ITGA10: variants seen among roughly 807,000 people sequenced by gnomAD.
The protein encoded by ITGA10 is integrin alpha-10.
In ITGA10, 105 loss-of-function variants were observed where a neutral mutation model predicts 145.2. The ratio of observed to expected loss-of-function variants is 0.72; its 90% CI spans 0.62 to 0.85. ITGA10 has a LOEUF of 0.85. Ranked by LOEUF, ITGA10 falls within the 40% of genes least tolerant of loss-of-function variation. The pLI is 0.00. For missense variants in ITGA10, 1,317 were observed against 1,444.5 expected (o/e 0.91, Z 1.43); for synonymous variants, 506 against 557.8 (o/e 0.91, Z 1.31).
At chr1:145,906,691 T>C (rs200514777) in intron 4 of ITGA10, 42 bp downstream of exon 4, 1 of 1,495,210 alleles carries the variant, frequency 6.7e-7, no homozygotes, top group Non-Finnish European at 9.3e-7. Flanking sequence ...TTTTCTTTTA[T>C]GGACCTTCAG....
In ITGA10 at chr1:145,909,979, G is replaced by C. The variant is rs1479731309; in HGVS notation, c.36C>G (p.Pro12=). 1 of 1,613,320 alleles carries C rather than the reference G, an allele frequency of 6.2e-7. No individual in the cohort carries two copies. The highest frequency in any genetic ancestry group is 8.5e-7 in the Non-Finnish European group (1 of 1,179,526). The change falls in exon 1 of 30, where the codon CCC becomes CCG. Residue 12 remains proline (P), a synonymous_variant. Transcript: ENST00000369304. The stretch of plus-strand genomic sequence containing the variant: ...TTCCCTCACCTGTCAGGAACACCAG[G>C]GGCAAGAACAGGTGAGTGACGAAGG... ...ELPFVTHLFL[P]LVFLTGLCSP...
At chr1:145,907,916 G>T (rs922378869) in intron 1 of ITGA10, among the ~76,000 whole-genome samples, 3 of 151,608 alleles carry the variant, frequency 2.0e-5, no homozygotes, top group Non-Finnish European at 1.5e-5. Context: ...CACTACAGGC[G>T]CCTGCCACCT....
intron 3 of ITGA10, 100 bp from the exon 4 acceptor site, chr1:145,906,924 G>T: frequency 1.7e-6 from 2 of 1,156,762 alleles, no homozygotes; most frequent in Non-Finnish European, 2.5e-6. Context: ...ATTGGTATCA[G>T]ATTGGGGACA....
chr1:145,909,662 GTTATATA>G (rs1282673369), intron 1 of ITGA10, among the ~76,000 whole-genome samples: 46 of 130,338 alleles, frequency 3.5e-4, no homozygotes, highest in Admixed American at 2.0e-3. Context: ...ATATATAATT[GTTATATA>G]TTATATGTAT....
At chr1:145,895,580 C>A in intron 26 of ITGA10, 51 bp downstream of exon 26, 2 of 1,570,562 alleles carry the variant, frequency 1.3e-6, no homozygotes, top group South Asian at 1.1e-5. Context: ...TGTCCCAAGT[C>A]ACCCAACTCC....
At position 145,906,602 on chromosome 1, in the gene ITGA10, TTACC is replaced by T. The variant is rs139890668; in HGVS notation, c.367-98_367-95del. ...GAGGCATGAAGACTACTCCCTGACATTACCTACCTTTTGCTTTCTAGGGTTTTTA... is the reference window on the plus strand; with the variant it reads ...GAGGCATGAAGACTACTCCCTGACATTACCTTTTGCTTTCTAGGGTTTTTA... On this transcript the variant is annotated intron_variant, in intron 4 of 29. Coordinates refer to ENST00000369304, the MANE Select transcript of ITGA10 (RefSeq NM_003637.5). The T allele has an allele frequency of 1.1e-4, 145 of 1,291,680 alleles. No homozygotes were observed. In the African/African-American group the frequency reaches 1.8e-3, roughly 16 times the overall value. 80.0% of individuals were successfully genotyped at this position (1,291,680 alleles called of 1,614,324 possible).
chr1:145,906,621 T>C, intron 4 of ITGA10, 112 bp downstream of exon 4: 2 of 1,279,194 alleles, frequency 1.6e-6, no homozygotes, highest in Non-Finnish European at 2.3e-6. Flanking sequence ...TTTTGCTTTC[T>C]AGGGTTTTTA....
At chr1:145,909,413 A>AAAT (rs772071305) in intron 1 of ITGA10, among the ~76,000 whole-genome samples, 1 of 139,934 alleles carries the variant, frequency 7.1e-6, no homozygotes, top group Non-Finnish European at 1.5e-5. Context: ...TATCTTTAAA[A>AAAT]AATAATAATA....
Position 145,900,938 on chromosome 1 carries a change from C to A in ITGA10, c.1643G>T (p.Arg548Leu), listed in dbSNP as rs782131153. 6.2e-7 allele frequency: 1 copy of A among 1,614,138 alleles called. No homozygotes were observed. The highest frequency in any genetic ancestry group is 8.5e-7 in the Non-Finnish European group (1 of 1,180,028). Reference protein sequence around the residue: ...TLQPEPPQDARFGFAMGALPD... With the variant: ...TLQPEPPQDALFGFAMGALPD... The stretch of plus-strand genomic sequence containing the variant: ...AAGAGCTCCCATGGCAAAGCCAAAC[C>A]GAGCATCCTGGGGGGGTTCTGGCTG... Residue 548 changes from arginine (R) to leucine (L), a missense_variant, in exon 14 of 30, where the codon CGG (arginine) becomes CTG (leucine). Physicochemically the swap from Arg to Leu is moderately radical, Grantham distance 102. Transcript: ENST00000369304.
At position 145,895,974 on chromosome 1, in the gene ITGA10, C is replaced by T; in HGVS notation, c.3033+9G>A. On this transcript the variant is annotated intron_variant, in intron 25 of 29. Transcript: ENST00000369304. ...GGCAGGATTCCATGCCCTCCTAGAC[C>T]AGACTCACATTGTTAGTGATGACTT... The T allele has an allele frequency of 6.2e-7, 1 of 1,601,636 alleles. No individual in the cohort carries two copies. Among genetic ancestry groups the T allele is most frequent in the Non-Finnish European group, 8.6e-7 (1 of 1,168,708 alleles).
chr1:145,894,256 C>T (rs943405080), intron 27 of ITGA10, among the ~76,000 whole-genome samples: 3 of 151,412 alleles, frequency 2.0e-5, no homozygotes, highest in African/African-American at 7.3e-5. Flanking sequence ...GGACTATAGG[C>T]GCCTGCCACC....
In ITGA10 at chr1:145,896,010, T is replaced by G; in HGVS notation, c.3006A>C (p.Leu1002=). The change falls in exon 25 of 30, where the codon CTA becomes CTC. Residue 1002 remains leucine (L), a synonymous_variant. Coordinates refer to ENST00000369304, the MANE Select transcript of ITGA10 (RefSeq NM_003637.5). Reference sequence around the variant, plus strand: ...TGTTAGTGATGACTTGAGACAGTGATAGGAAGTAATTGCCCCCATGGGCCA... The same window carrying G: ...TGTTAGTGATGACTTGAGACAGTGAGAGGAAGTAATTGCCCCCATGGGCCA... ...PAVAHGGNYF[L]SLSQVITNNA... 1 of 1,613,604 alleles carries G rather than the reference T, an allele frequency of 6.2e-7. No individual in the cohort carries two copies. Among genetic ancestry groups the G allele is most frequent in the Admixed American group, 1.7e-5 (1 of 60,000 alleles).
rs782287911 is a variant in ITGA10, at chr1:145,896,002, G to C, written c.3014C>G (p.Ser1005Cys). Residue 1005 changes from serine to cysteine, a missense_variant, in exon 25 of 30, where the codon TCT becomes TGT. Transcript: ENST00000369304. ...ACTCACATTGTTAGTGATGACTTGAGACAGTGATAGGAAGTAATTGCCCCC... is the reference window on the plus strand; with the variant it reads ...ACTCACATTGTTAGTGATGACTTGACACAGTGATAGGAAGTAATTGCCCCC... ...AHGGNYFLSL[S>C]QVITNNASCI... is the part of the protein sequence containing the mutation. The C allele has an allele frequency of 1.2e-6, 2 of 1,613,490 alleles. No individual in the cohort carries two copies. The highest frequency in any genetic ancestry group is 2.2e-5 in the South Asian group (2 of 91,054).
chr1:145,895,364 C>T lies in ITGA10; in HGVS notation c.3144G>A (p.Val1048=), dbSNP rs1553744524. 1 of 1,613,796 alleles carries T rather than the reference C, an allele frequency of 6.2e-7. No homozygotes were observed. Among genetic ancestry groups the T allele is most frequent in the South Asian group, 1.1e-5 (1 of 91,052 alleles). Residue 1048 remains valine (V), a synonymous_variant, in exon 27 of 30, where the codon GTG becomes GTA. Coordinates refer to ENST00000369304, the MANE Select transcript of ITGA10 (RefSeq NM_003637.5). The stretch of plus-strand genomic sequence containing the variant: ...TTGCCAGCTGCCCAAGGTGGCACCT[C>T]ACCACCTGACACTGAGTATTGCTCC... The part of the protein sequence containing the change: ...LNGSNTQCQV[V]RCHLGQLAKG...
At position 145,901,664 on chromosome 1, in the gene ITGA10, C is replaced by T. The variant is rs1570885057; in HGVS notation, c.1295G>A (p.Gly432Asp). Residue 432 changes from glycine (G) to aspartate (D), a missense_variant and splice_region_variant, in exon 12 of 30, where the codon GGT (glycine) becomes GAT (aspartate). By Grantham distance (94) the Gly-to-Asp change is moderately conservative. Coordinates refer to ENST00000369304, the MANE Select transcript of ITGA10 (RefSeq NM_003637.5). This position sits in a 1 kb window ranked among gnomAD's most constrained non-coding sequence, Gnocchi z 4.3. ...CAAAAGCATGGAAGAAACAGAGTAA[C>T]CTAGAAGTGGGCAAAGTAACAGAGG... ...PALQNHAAYLGYSVSSMLLRG... is the reference protein window; with the variant it reads ...PALQNHAAYLDYSVSSMLLRG... 6.4e-7 allele frequency: 1 copy of T among 1,560,332 alleles called. No homozygotes were observed. Among genetic ancestry groups the T allele is most frequent in the Non-Finnish European group, 8.7e-7 (1 of 1,155,106 alleles).
Position 145,901,361 on chromosome 1 carries a change from G to A in ITGA10, c.1444-83C>T. ...TGGACTCAGTGGGAAGCACTCACCA[G>A]CCTGCTAGTCTGCTCCTTACATCCC... On this transcript the variant is annotated intron_variant, in intron 12 of 29. Transcript: ENST00000369304. This position sits in a 1 kb window ranked among gnomAD's most constrained non-coding sequence, Gnocchi z 4.3. The A allele has an allele frequency of 6.4e-7, 1 of 1,551,322 alleles. No individual in the cohort carries two copies. Among genetic ancestry groups the A allele is most frequent in the Middle Eastern group, 1.8e-4 (1 of 5,420 alleles).
chr1:145,902,959 G>T lies in ITGA10; in HGVS notation c.761C>A (p.Thr254Lys). The T allele has an allele frequency of 6.3e-7, 1 of 1,593,766 alleles. No individual in the cohort carries two copies. Among genetic ancestry groups the T allele is most frequent in the South Asian group, 1.1e-5 (1 of 87,730 alleles). ...KTAQAIMVAC[T>K]EGFSQSHGGR... ...CCCATGGGACTGACTGAACCCTTCT[G>T]TGCTGAGAAGAGAAAGGAGTGAGGT... is the stretch of plus-strand genomic sequence containing the variant. The change falls in exon 8 of 30, where the codon ACA becomes AAA. Residue 254 changes from threonine to lysine, a missense_variant and splice_region_variant. By Grantham distance (78) the Thr-to-Lys change is moderately conservative. Coordinates refer to ENST00000369304, the MANE Select transcript of ITGA10 (RefSeq NM_003637.5).
chr1:145,895,329 TCAGTCCC>T lies in ITGA10; in HGVS notation c.3172_3178del (p.Gly1058ArgfsTer7), dbSNP rs1553744508. The T allele has an allele frequency of 6.2e-7, 1 of 1,614,148 alleles. No homozygotes were observed. Among genetic ancestry groups the T allele is most frequent in the East Asian group, 2.2e-5 (1 of 44,884 alleles). ...CAGCCTCAATAGTCCAACAGAGACC[TCAGTCCC>T]CTTTGCCAGCTGCCCAAGGTGGCAC... On this transcript the variant is annotated frameshift_variant, in exon 27 of 30. Transcript: ENST00000369304. LOFTEE classifies it high-confidence loss of function.
chr1:145,899,266 A>G lies in ITGA10; in HGVS notation c.1998T>C (p.Cys666=). ...PQAISVVQRD[C]RRRGQEAVCL... is the part of the protein sequence containing the mutation. ...AGACTGCCTCTTGGCCTCGCCGCCT[A>G]CAGTCCCTCTGAACCACACTGATGG... Residue 666 remains cysteine, a synonymous_variant, in exon 16 of 30, where the codon TGT becomes TGC. Transcript: ENST00000369304. 1.2e-6 allele frequency: 2 copies of G among 1,614,228 alleles called. No individual in the cohort carries two copies. Among genetic ancestry groups the G allele is most frequent in the Non-Finnish European group, 1.7e-6 (2 of 1,180,050 alleles).
Sources: allele counts gnomAD v4.1 joint callset (sites outside exome capture counted in the v4.1 genomes callset), GRCh38; gene constraint gnomAD v4.1.1; non-coding constraint Gnocchi (gnomAD v3.1); transcripts MANE v1.5; gene names NCBI Gene and HGNC (gene_info 2026-07-23, HGNC 2026-07-21).